The following CCDC7 variants were observed in gnomAD, a reference collection of about 807,000 sequenced individuals.
CCDC7 encodes coiled-coil domain-containing protein 7.
A neutral mutation model predicts 196.9 loss-of-function variants in CCDC7; 183 were observed. That is an observed-to-expected ratio of 0.93 (90% CI 0.82 to 1.05). The LOEUF is 1.05. CCDC7 is among the 50% of genes least tolerant of loss of function. CCDC7 has a pLI of 0.00. For synonymous variants in CCDC7, 525 were observed against 484.6 expected (o/e 1.08, Z -1.10); for missense variants, 1,540 against 1,482.2 (o/e 1.04, Z -0.64).
At chr10:32,592,840 GT>G (rs1418242928) in intron 18 of CCDC7, among the ~76,000 whole-genome samples, 3 of 152,024 alleles carry the variant, frequency 2.0e-5, no homozygotes, top group African/African-American at 7.3e-5. Flanking sequence ...GAAAATGATG[GT>G]TTCCAGCTTC....
At chr10:32,477,803 C>T (rs550879878) in intron 8 of CCDC7, among the ~76,000 whole-genome samples, 1 of 152,238 alleles carries the variant, frequency 6.6e-6, no homozygotes, top group Admixed American at 6.5e-5. Flanking sequence ...TGTTCTTCAA[C>T]ATTGTGTTGA....
intron 41 of CCDC7, among the ~76,000 whole-genome samples, chr10:32,875,034 A>G (rs1049834170): frequency 3.3e-5 from 5 of 151,956 alleles, no homozygotes; most frequent in African/African-American, 9.7e-5. Flanking sequence ...TCCCAGCATC[A>G]TTTAATGAAT....
At chr10:32,556,497 G>A (rs940803964) in intron 13 of CCDC7, among the ~76,000 whole-genome samples, 14 of 151,898 alleles carry the variant, frequency 9.2e-5, no homozygotes, top group South Asian at 2.1e-4. Context: ...TATTTCTTTC[G>A]TCATCATTTA....
chr10:32,791,084 A>G (rs76597816), intron 29 of CCDC7, among the ~76,000 whole-genome samples: 5,893 of 152,202 alleles, frequency 0.039, 120 homozygotes, highest in Middle Eastern at 0.051. Context: ...TCACTGCCAC[A>G]AATTTCTGCT....
At chr10:32,576,751 A>G (rs1398498837) in intron 16 of CCDC7, among the ~76,000 whole-genome samples, 2 of 151,736 alleles carry the variant, frequency 1.3e-5, no homozygotes, top group Non-Finnish European at 2.9e-5. Flanking sequence ...CAGTCTCCCT[A>G]TGTTGCCCAG....
chr10:32,569,213 C>T lies in CCDC7; in HGVS notation c.1419+1322C>T, dbSNP rs138379801. On this transcript the variant is annotated intron_variant, in intron 15 of 41. Coordinates refer to ENST00000639629, the Ensembl canonical transcript of CCDC7. ...TTTGCAAAGATGATGTATATAATGT[C>T]ATGTATTCAGCTGGCTTGTTCTGGT... 2.8e-4 allele frequency among the ~76,000 whole-genome samples: 43 copies of T among 152,154 alleles called. No homozygotes were observed. The East Asian group carries it at 7.4e-3, about 26-fold the overall frequency.
At chr10:32,639,165 G>A (rs554867499) in intron 20 of CCDC7, among the ~76,000 whole-genome samples, 30 of 151,936 alleles carry the variant, frequency 2.0e-4, no homozygotes, top group African/African-American at 7.0e-4. Flanking sequence ...CAATTTTGTT[G>A]ATCTTTTCAA....
chr10:32,719,043 CA>C (rs1266531924), intron 25 of CCDC7, among the ~76,000 whole-genome samples: 24 of 151,836 alleles, frequency 1.6e-4, no homozygotes, highest in Middle Eastern at 3.4e-3. Context: ...CATATGGAAC[CA>C]AAAAAAGAGC....
intron 24 of CCDC7, among the ~76,000 whole-genome samples, chr10:32,708,144 A>G (rs2080129665): frequency 6.6e-6 from 1 of 151,654 alleles, no homozygotes; most frequent in African/African-American, 2.4e-5. Flanking sequence ...ATGGAAAAGA[A>G]TAGAGCCCTC....
intron 9 of CCDC7, chr10:32,513,600 A>AC (rs1347754062): frequency 6.6e-6 from 1 of 152,182 alleles, no homozygotes; most frequent in Non-Finnish European, 1.5e-5. Context: ...GAAAATCCTT[A>AC]CCAAAATACT....
chr10:32,850,211 C>G (rs1323823631), intron 39 of CCDC7, among the ~76,000 whole-genome samples: 1 of 152,178 alleles, frequency 6.6e-6, no homozygotes, highest in Non-Finnish European at 1.5e-5. Context: ...GCCTATCTTG[C>G]ACGGCCTACC....
intron 38 of CCDC7, among the ~76,000 whole-genome samples, chr10:32,848,153 A>G (rs564040433): frequency 1.3e-5 from 2 of 152,176 alleles, no homozygotes; most frequent in Non-Finnish European, 2.9e-5. Context: ...TGTTTAAATA[A>G]ATGTTTTCTA....
chr10:32,661,381 A>C (rs1307374310), intron 20 of CCDC7, among the ~76,000 whole-genome samples: 1 of 151,878 alleles, frequency 6.6e-6, no homozygotes, highest in Non-Finnish European at 1.5e-5. Flanking sequence ...GTGGGACTGT[A>C]AACTAGTTCA....
intron 16 of CCDC7, among the ~76,000 whole-genome samples, chr10:32,580,141 A>G (rs1241570009): frequency 6.6e-6 from 1 of 152,092 alleles, no homozygotes; most frequent in Non-Finnish European, 1.5e-5. Context: ...TTTTTCTAGT[A>G]AGAGAATAGT....
At chr10:32,628,009 A>T (rs2064298392) in intron 18 of CCDC7, among the ~76,000 whole-genome samples, 1 of 151,852 alleles carries the variant, frequency 6.6e-6, no homozygotes, top group South Asian at 2.1e-4. Context: ...TTTTGGTATT[A>T]GGGTAGTAGT....
At chr10:32,626,575 C>T (rs966067278) in intron 18 of CCDC7, among the ~76,000 whole-genome samples, 5 of 151,856 alleles carry the variant, frequency 3.3e-5, no homozygotes, top group African/African-American at 1.2e-4. Context: ...TATGTAATCA[C>T]ACTTGTCTAT....
intron 16 of CCDC7, among the ~76,000 whole-genome samples, chr10:32,575,912 T>C (rs1050347817): frequency 6.6e-6 from 1 of 152,094 alleles, no homozygotes; most frequent in African/African-American, 2.4e-5. Flanking sequence ...ACCAGCTGGG[T>C]TAGATGAGGA....
chr10:32,794,054 C>T (rs1216343725), intron 29 of CCDC7, among the ~76,000 whole-genome samples: 1 of 152,134 alleles, frequency 6.6e-6, no homozygotes, highest in Non-Finnish European at 1.5e-5. Context: ...TGAAAGATCT[C>T]ATCACCAAGG....
chr10:32,702,598 C>T (rs1227140713), intron 24 of CCDC7, among the ~76,000 whole-genome samples: 1 of 152,168 alleles, frequency 6.6e-6, no homozygotes. Flanking sequence ...TCTCGTTGAT[C>T]TGTCTAATGT....
Sources: allele counts gnomAD v4.1 joint callset (sites outside exome capture counted in the v4.1 genomes callset), GRCh38; gene constraint gnomAD v4.1.1; transcripts MANE v1.5; gene names NCBI Gene and HGNC (gene_info 2026-07-23, HGNC 2026-07-21).